SLC26A1: variants seen among roughly 807,000 people sequenced by gnomAD.
SLC26A1 encodes sulfate anion transporter 1.
In SLC26A1, 18 loss-of-function variants were observed where a neutral mutation model predicts 14.5. That is an observed-to-expected ratio of 1.24 (90% CI 0.86 to 1.84). The LOEUF is 1.84. SLC26A1 is among the 40% of genes most tolerant of loss of function. The pLI, the probability that SLC26A1 is intolerant of heterozygous loss-of-function variation, is 0.00. For synonymous variants in SLC26A1, 505 were observed against 492.0 expected, an observed-to-expected ratio of 1.03 and a Z score of -0.35; for missense variants, 1,049 against 1,020.0, an observed-to-expected ratio of 1.03 and a Z score of -0.39.
At chr4:986,963 C>A (rs1442963574), downstream of SLC26A1, 21 of 494,242 alleles carry the variant, frequency 4.2e-5, no homozygotes, top group Middle Eastern at 6.1e-4. Flanking sequence ...ACCCGGCCAT[C>A]GCCCCCTCAC....
Position 991,189 on chromosome 4 carries a change from C to T in SLC26A1, c.515G>A (p.Gly172Glu). The change falls in exon 2 of 3, where the codon GGG (glycine) becomes GAG (glutamate). Residue 172 changes from glycine to glutamate, a missense_variant. Gly to Glu is a moderately conservative substitution (Grantham distance 98). Coordinates refer to ENST00000398516, the MANE Select transcript of SLC26A1 (RefSeq NM_022042.4). ...GACACGGATGGCGTAGCAGTCACGC[C>T]CGCAGTCCAGCATGGCAGCCGAGCC... ...LNGSAAMLDC[G>E]RDCYAIRVAT... 4 of 1,593,536 alleles carry T rather than the reference C, an allele frequency of 2.5e-6. No homozygotes were observed. Among genetic ancestry groups the T allele is most frequent in the Non-Finnish European group, 3.4e-6 (4 of 1,167,920 alleles).
downstream of SLC26A1, among the ~76,000 whole-genome samples, chr4:985,361 C>T (rs1713675212): frequency 1.4e-5 from 2 of 141,878 alleles, no homozygotes; most frequent in Admixed American, 1.5e-4. Context: ...AGAGGCTCCT[C>T]AGAGCTCCCA....
downstream of SLC26A1, chr4:986,969 CTCA>C: frequency 2.0e-6 from 2 of 1,007,708 alleles, no homozygotes; most frequent in East Asian, 3.0e-5. Flanking sequence ...CCATCGCCCC[CTCA>C]CCAAGGCCCC....
chr4:986,720 G>A, downstream of SLC26A1: 1 of 459,170 alleles, frequency 2.2e-6, no homozygotes, highest in Admixed American at 2.3e-5. Flanking sequence ...TCGCGCCACT[G>A]CACCTCAGCC....
At chr4:991,062 G>A (rs903722620) in intron 2 of SLC26A1, 66 bp downstream of exon 2, 23 of 1,456,296 alleles carry the variant, frequency 1.6e-5, no homozygotes, top group Non-Finnish European at 1.9e-5. Context: ...CCTTGCCCTC[G>A]TGGATGGCCA....
In SLC26A1 at chr4:988,850, TG is replaced by T; in HGVS notation, c.2088del (p.Thr697ProfsTer30). The part of the protein sequence containing the change: ...TARARHRELE[A>X]TDAHL Reference sequence around the variant, plus strand: ...TGGCCCTGCTACAGATGGGCATCGGTGGCCTCCAGCTCCCTGTGGCGGGCTC... The same window carrying T: ...TGGCCCTGCTACAGATGGGCATCGGTGCCTCCAGCTCCCTGTGGCGGGCTC... On this transcript the variant is annotated frameshift_variant, in exon 3 of 3. Transcript: ENST00000398516. LOFTEE classifies it high-confidence loss of function. 6.2e-7 allele frequency: 1 copy of T among 1,602,010 alleles called. No homozygotes were observed. Among genetic ancestry groups the T allele is most frequent in the South Asian group, 1.1e-5 (1 of 89,564 alleles).
rs1713890258 is a variant in SLC26A1, at chr4:988,099, TG to T, written c.*733del. ...GAGAGCGTGTCCTTGCTGGCTGTGC[TG>T]GGGTGAGGGCTGTGTGCTGGAGGGA... On this transcript the variant is annotated 3_prime_UTR_variant, in exon 3 of 3. Coordinates refer to ENST00000398516, the MANE Select transcript of SLC26A1 (RefSeq NM_022042.4). The T allele has an allele frequency of 6.9e-7, 1 of 1,447,008 alleles. No homozygotes were observed. Among genetic ancestry groups the T allele is most frequent in the Non-Finnish European group, 9.1e-7 (1 of 1,099,818 alleles). 89.6% of individuals were successfully genotyped at this position (1,447,008 alleles called of 1,614,324 possible). A position where few individuals can be genotyped will look rare whatever the true frequency, so the allele number is the denominator to read the frequency against.
downstream of SLC26A1, chr4:987,085 A>C (rs1553914737): frequency 6.7e-7 from 1 of 1,484,176 alleles, no homozygotes; most frequent in Non-Finnish European, 8.9e-7. Flanking sequence ...ACGCGTGGCC[A>C]TGCGTCCCCT....
downstream of SLC26A1, among the ~76,000 whole-genome samples, chr4:986,291 T>C (rs1713724093): frequency 6.6e-6 from 1 of 152,218 alleles, no homozygotes; most frequent in Admixed American, 6.5e-5. Context: ...ACTACACATG[T>C]ACTACAGTTG....
In SLC26A1 at chr4:988,503, G is replaced by T; in HGVS notation, c.*330C>A. The T allele has an allele frequency of 1.7e-6, 2 of 1,155,550 alleles. No homozygotes were observed. Among genetic ancestry groups the T allele is most frequent in the Non-Finnish European group, 2.1e-6 (2 of 936,960 alleles). 71.6% of individuals were successfully genotyped at this position (1,155,550 alleles called of 1,614,324 possible). On this transcript the variant is annotated 3_prime_UTR_variant, in exon 3 of 3. Transcript: ENST00000398516. Reference sequence around the variant, plus strand: ...GCACCTTGGAGGCTGCATGATGGCGGGGGACCCTTGTTCAAATAAGATGTC... The same window carrying T: ...GCACCTTGGAGGCTGCATGATGGCGTGGGACCCTTGTTCAAATAAGATGTC...
intron 1 of SLC26A1, chr4:992,593 C>A: frequency 5.1e-5 from 10 of 195,430 alleles, no homozygotes; most frequent in Non-Finnish European, 7.4e-5. Flanking sequence ...ACGTGAGGCG[C>A]CCTTTTTCCC....
At position 987,684 on chromosome 4, in the gene SLC26A1, G is replaced by A; in HGVS notation, c.*1149C>T. On this transcript the variant is annotated 3_prime_UTR_variant, in exon 3 of 3. Transcript: ENST00000398516. ...CCTGGCCCTAAGGGTCATTTTATTA[G>A]TCACTGAACGCACGGGCAGCGCCTG... 1 of 1,510,804 alleles carries A rather than the reference G, an allele frequency of 6.6e-7. No individual in the cohort carries two copies. Among genetic ancestry groups the A allele is most frequent in the South Asian group, 1.3e-5 (1 of 79,948 alleles). The allele number at this position is 1,510,804 out of a possible 1,614,324, so 93.6% of individuals were successfully genotyped here.
At position 988,014 on chromosome 4, in the gene SLC26A1, G is replaced by T; in HGVS notation, c.*819C>A. The T allele has an allele frequency of 1.3e-6, 2 of 1,510,630 alleles. No individual in the cohort carries two copies. Among genetic ancestry groups the T allele is most frequent in the East Asian group, 2.5e-5 (1 of 40,344 alleles). The allele number at this position is 1,510,630 out of a possible 1,614,324, so 93.6% of individuals were successfully genotyped here. A position where few individuals can be genotyped will look rare whatever the true frequency, so the allele number is the denominator to read the frequency against. On this transcript the variant is annotated 3_prime_UTR_variant, in exon 3 of 3. Coordinates refer to ENST00000398516, the MANE Select transcript of SLC26A1 (RefSeq NM_022042.4). ...ACAGAGGCACAGATGGGAGGGGAGG[G>T]CTGGGGGCTGCTCGGAAGACCCCTT...
At position 988,387 on chromosome 4, in the gene SLC26A1, AAC is replaced by A. The variant is rs1331352165; in HGVS notation, c.*444_*445del. ...ACTTGGGTGTGTGGGGCCTTCTGGA[AAC>A]ACAGAGACCCTCGTGCACTTGGCCA... On this transcript the variant is annotated 3_prime_UTR_variant, in exon 3 of 3. Transcript: ENST00000398516. 51 of 1,053,262 alleles carry A rather than the reference AAC, an allele frequency of 4.8e-5. No homozygotes were observed. The highest frequency in any genetic ancestry group is 5.6e-5 in the Non-Finnish European group (49 of 873,268). 65.2% of individuals were successfully genotyped at this position (1,053,262 alleles called of 1,614,324 possible).
chr4:987,671 G>C lies in SLC26A1; in HGVS notation c.*1162C>G, dbSNP rs749665697. 3.2e-4 allele frequency: 473 copies of C among 1,490,066 alleles called. No homozygotes were observed. Among genetic ancestry groups the C allele is most frequent in the Non-Finnish European group, 4.0e-4 (446 of 1,117,198 alleles). 92.3% of individuals were successfully genotyped at this position (1,490,066 alleles called of 1,614,324 possible). On this transcript the variant is annotated 3_prime_UTR_variant, in exon 3 of 3. Transcript: ENST00000398516. Reference sequence around the variant, plus strand: ...ACCTCCCCACATTCCTGGCCCTAAGGGTCATTTTATTAGTCACTGAACGCA... The same window carrying C: ...ACCTCCCCACATTCCTGGCCCTAAGCGTCATTTTATTAGTCACTGAACGCA...
At chr4:990,407 C>T in intron 2 of SLC26A1, 45 bp from the exon 3 acceptor site, 1 of 1,516,722 alleles carries the variant, frequency 6.6e-7, no homozygotes, top group Non-Finnish European at 8.9e-7. Context: ...TGGCGGGAGC[C>T]ACCTGCCCCT....
chr4:984,890 T>C (rs985739535), downstream of SLC26A1, among the ~76,000 whole-genome samples: 15 of 152,134 alleles, frequency 9.9e-5, no homozygotes, highest in African/African-American at 3.6e-4. Flanking sequence ...ATATTCCAAA[T>C]TGTGAATGTC....
At chr4:991,818 C>T (rs1231409805) in intron 1 of SLC26A1, 88 bp from the exon 2 acceptor site, 6 of 1,532,988 alleles carry the variant, frequency 3.9e-6, no homozygotes, top group Admixed American at 3.9e-5. Flanking sequence ...CCCCTTGGGG[C>T]GGACCCCTCG....
intron 2 of SLC26A1, among the ~76,000 whole-genome samples, chr4:982,492 G>T (rs923217404): frequency 2.5e-4 from 38 of 152,228 alleles, no homozygotes; most frequent in Non-Finnish European, 4.4e-5. Context: ...TGGCCACACT[G>T]CTGGGGAGCC....
Sources: gnomAD v4.1 joint callset for allele counts (sites outside exome capture counted in the v4.1 genomes callset) on GRCh38, gnomAD v4.1.1 for gene constraint, MANE v1.5 for transcripts, NCBI Gene and HGNC (gene_info 2026-07-23, HGNC 2026-07-21) for gene names.